PKHD1L1: variants seen among roughly 807,000 people sequenced by gnomAD.
The protein encoded by PKHD1L1 is PKHD1 like 1, also known as fibrocystin-L.
PKHD1L1 carries 434 observed loss-of-function variants against 462.9 expected under a neutral mutation model. The observed-to-expected ratio is 0.94, with a 90% CI of 0.87 to 1.02. PKHD1L1 has a LOEUF of 1.02. PKHD1L1 is among the 50% of genes least tolerant of loss of function. The probability of loss-of-function intolerance (pLI) is 0.00; values close to 1 mark genes in which losing one functional copy is unlikely to be tolerated. For missense variants in PKHD1L1, 5,202 were observed against 5,096.1 expected, an observed-to-expected ratio of 1.02 and a Z score of -0.63; for synonymous variants, 1,781 against 1,750.0, an observed-to-expected ratio of 1.02 and a Z score of -0.44.
chr8:109,362,512 A>C lies in PKHD1L1; in HGVS notation c.-69A>C. The C allele has an allele frequency of 6.9e-7, 1 of 1,453,828 alleles. No individual in the cohort carries two copies. The highest frequency in any genetic ancestry group is 2.0e-5 in the Admixed American group (1 of 50,776). 90.1% of individuals were successfully genotyped at this position (1,453,828 alleles called of 1,614,324 possible). A position where few individuals can be genotyped will look rare whatever the true frequency, so the allele number is the denominator to read the frequency against. ...GGGCCCGCCAGCGAGTCGCAGTCCC[A>C]GGAGCCGAGCTCCAGCACTAGAGCC... On this transcript the variant is annotated 5_prime_UTR_variant, in exon 1 of 78. Transcript: ENST00000378402.
In PKHD1L1 at chr8:109,441,988, A is replaced by G. The variant is rs777061789; in HGVS notation, c.4205-19A>G. On this transcript the variant is annotated intron_variant, in intron 34 of 77. Transcript: ENST00000378402. ...AATTCTCTTTTTCTTTTAAAATATT[A>G]CTCAATTCTTGCCCCCAGTACATGG... is the stretch of plus-strand genomic sequence containing the variant. 3.3e-6 allele frequency: 5 copies of G among 1,534,276 alleles called. No individual in the cohort carries two copies. The highest frequency in any genetic ancestry group is 4.4e-6 in the Non-Finnish European group (5 of 1,144,592).
intron 27 of PKHD1L1, among the ~76,000 whole-genome samples, chr8:109,432,118 A>G (rs934694188): frequency 1.3e-5 from 2 of 152,164 alleles, no homozygotes; most frequent in African/African-American, 4.8e-5. Flanking sequence ...AAGTGTTAGC[A>G]TCCTTTTTCC....
In PKHD1L1 at chr8:109,401,870, C is replaced by G. The variant is rs188336468; in HGVS notation, c.1373+282C>G. Among the ~76,000 whole-genome samples, 6 of 152,166 alleles carry G rather than the reference C, an allele frequency of 3.9e-5. No individual in the cohort carries two copies. The East Asian group carries it at 1.2e-3, about 29-fold the overall frequency. ...CCTGTTCTTAGTTCTTTACTTGGAC[C>G]TTTCAGTCAATCCACCCATTTAATT... On this transcript the variant is annotated intron_variant, in intron 14 of 77. Transcript: ENST00000378402.
rs776905651 is a variant in PKHD1L1, at chr8:109,445,524, C to T, written c.5655C>T (p.Pro1885=). ...INPNEVYCRT[P]AGTTGMVDVK... ...CCAATGAAGTCTACTGCCGCACTCCCGCTGGGACCACTGGAATGGTCGATG... is the reference window on the plus strand; with the variant it reads ...CCAATGAAGTCTACTGCCGCACTCCTGCTGGGACCACTGGAATGGTCGATG... Residue 1885 remains proline (P), a synonymous_variant, in exon 38 of 78, where the codon CCC becomes CCT. Transcript: ENST00000378402. The T allele has an allele frequency of 6.8e-6, 11 of 1,613,408 alleles. No individual in the cohort carries two copies. Among genetic ancestry groups the T allele is most frequent in the South Asian group, 4.4e-5 (4 of 90,980 alleles).
intron 5 of PKHD1L1, among the ~76,000 whole-genome samples, chr8:109,384,696 A>G (rs1259780860): frequency 6.6e-6 from 1 of 151,952 alleles, no homozygotes; most frequent in Non-Finnish European, 1.5e-5. Context: ...TCCCAATGGC[A>G]ATAACAGAGA....
intron 67 of PKHD1L1, among the ~76,000 whole-genome samples, chr8:109,503,979 A>G (rs373116902): frequency 7.9e-5 from 12 of 152,296 alleles, no homozygotes; most frequent in African/African-American, 2.6e-4. Flanking sequence ...AGGCTTACTC[A>G]TATGTTGGAA....
chr8:109,383,249 T>G (rs1483707294), intron 4 of PKHD1L1, among the ~76,000 whole-genome samples: 4 of 91,992 alleles, frequency 4.3e-5, no homozygotes, highest in Non-Finnish European at 8.4e-5. Context: ...ATATAACATA[T>G]ATAATAGATA....
At chr8:109,384,975 AT>A (rs1307905650) in intron 5 of PKHD1L1, among the ~76,000 whole-genome samples, 1 of 151,980 alleles carries the variant, frequency 6.6e-6, no homozygotes, top group Non-Finnish European at 1.5e-5. Flanking sequence ...TGTAAGACAT[AT>A]ATTTTGAATT....
At chr8:109,389,733 G>T (rs1290359892) in intron 8 of PKHD1L1, among the ~76,000 whole-genome samples, 1 of 151,968 alleles carries the variant, frequency 6.6e-6, no homozygotes, top group Non-Finnish European at 1.5e-5. Context: ...TTGCCATATT[G>T]GTCAGGCTGG....
chr8:109,495,841 A>G (rs1009396428), intron 63 of PKHD1L1, among the ~76,000 whole-genome samples: 1 of 152,064 alleles, frequency 6.6e-6, no homozygotes, highest in African/African-American at 2.4e-5. Context: ...TTTATAGACA[A>G]TCCTCCAATT....
Position 109,504,477 on chromosome 8 carries a change from A to G in PKHD1L1, c.10979A>G (p.His3660Arg), listed in dbSNP as rs748506508. The change falls in exon 68 of 78, where the codon CAT (histidine) becomes CGT (arginine). Residue 3660 changes from histidine (H) to arginine (R), a missense_variant. Around this residue, in one of 3 missense-constraint regions of PKHD1L1, gnomAD observed 698 missense variants for 736.3 expected, o/e 0.95. Coordinates refer to ENST00000378402, the MANE Select transcript of PKHD1L1 (RefSeq NM_177531.6). Reference sequence around the variant, plus strand: ...ACTGAACAATCAAAAATATTTATACATAGGCCTGATATAAGGTAAAATACA... The same window carrying G: ...ACTGAACAATCAAAAATATTTATACGTAGGCCTGATATAAGGTAAAATACA... ...DTTEQSKIFI[H>R]RPDISKVNPS... 1.3e-6 allele frequency: 2 copies of G among 1,510,580 alleles called. No individual in the cohort carries two copies. The highest frequency in any genetic ancestry group is 2.3e-5 in the Admixed American group (1 of 42,638). The allele number at this position is 1,510,580 out of a possible 1,614,324, so 93.6% of individuals were successfully genotyped here.
chr8:109,411,253 GCTTTCT>G (rs1160896874), intron 19 of PKHD1L1, among the ~76,000 whole-genome samples: 1 of 151,978 alleles, frequency 6.6e-6, no homozygotes, highest in African/African-American at 2.4e-5. Context: ...TTGAATATGT[GCTTTCT>G]AATTCTCATT....
intron 39 of PKHD1L1, 108 bp downstream of exon 39, chr8:109,448,499 GT>G (rs1480001760): frequency 1.0e-5 from 12 of 1,185,642 alleles, no homozygotes; most frequent in Middle Eastern, 5.2e-4. Flanking sequence ...AATTTCTAGT[GT>G]TTTTTTTGTT....
At chr8:109,432,389 T>A (rs1476352204) in intron 27 of PKHD1L1, among the ~76,000 whole-genome samples, 1 of 152,206 alleles carries the variant, frequency 6.6e-6, no homozygotes, top group Non-Finnish European at 1.5e-5. Context: ...TATTTTCTTA[T>A]AAAATTTTTG....
At chr8:109,480,568 T>C (rs912016961) in intron 55 of PKHD1L1, 10 of 454,734 alleles carry the variant, frequency 2.2e-5, no homozygotes, top group African/African-American at 1.8e-4. Flanking sequence ...AGAAAATAAA[T>C]CAAAATGTTA....
At position 109,443,831 on chromosome 8, in the gene PKHD1L1, T is replaced by A. The variant is rs1467446784; in HGVS notation, c.4720T>A (p.Ser1574Thr). 1.2e-6 allele frequency: 2 copies of A among 1,613,742 alleles called. No homozygotes were observed. The highest frequency in any genetic ancestry group is 3.3e-5 in the Admixed American group (2 of 59,982). ...FSPSISNITP[S>T]TGTVNELITI... ...ACCATCTATAAGCAACATTACTCCG[T>A]CCACTGGAACAGTAAATGAACTAAT... is the stretch of plus-strand genomic sequence containing the variant. The change falls in exon 37 of 78, where the codon TCC (serine) becomes ACC (threonine). Residue 1574 changes from serine to threonine, a missense_variant. Ser to Thr is a moderately conservative substitution (Grantham distance 58, BLOSUM62 1). Coordinates refer to ENST00000378402, the MANE Select transcript of PKHD1L1 (RefSeq NM_177531.6).
intron 58 of PKHD1L1, among the ~76,000 whole-genome samples, chr8:109,485,721 A>T (rs1009371): frequency 0.44 from 66,167 of 151,518 alleles, 14,957 homozygotes; most frequent in South Asian, 0.58. Flanking sequence ...GACAGTAGTG[A>T]AAAGTTAGAA....
intron 23 of PKHD1L1, among the ~76,000 whole-genome samples, chr8:109,424,334 T>G (rs1456145742): frequency 1.3e-5 from 2 of 152,238 alleles, no homozygotes; most frequent in African/African-American, 4.8e-5. Flanking sequence ...TACCATAATT[T>G]ATCCATTCTA....
chr8:109,505,389 C>T (rs112877375), intron 68 of PKHD1L1, among the ~76,000 whole-genome samples: 1,951 of 152,224 alleles, frequency 0.013, 46 homozygotes, highest in African/African-American at 0.044. Flanking sequence ...CAATGATTTT[C>T]TGATCACAAA....
Sources: gnomAD v4.1 joint callset for allele counts (sites outside exome capture counted in the v4.1 genomes callset) on GRCh38, gnomAD v4.1.1 for gene constraint, gnomAD v4.1.1 regional missense constraint, MANE v1.5 for transcripts, NCBI Gene and HGNC (gene_info 2026-07-23, HGNC 2026-07-21) for gene names.